JMY: variants seen among roughly 807,000 people sequenced by gnomAD.
JMY encodes junction mediating and regulatory protein, p53 cofactor, also known as junction-mediating and -regulatory protein.
JMY carries 46 observed loss-of-function variants against 103.3 expected under a neutral mutation model. The ratio of observed to expected loss-of-function variants is 0.45; its 90% CI spans 0.35 to 0.57. The LOEUF is 0.57. Among genes scored for constraint, JMY ranks in the 20% least tolerant of loss-of-function variants. The pLI, the probability that JMY is intolerant of heterozygous loss-of-function variation, is 0.00. For synonymous variants in JMY, 526 were observed against 489.3 expected (o/e 1.07, Z -0.99); for missense variants, 1,238 against 1,255.2 (o/e 0.99, Z 0.21).
intron 1 of JMY, among the ~76,000 whole-genome samples, chr5:79,272,028 C>A (rs1222806908): frequency 6.6e-6 from 1 of 151,528 alleles, no homozygotes; most frequent in African/African-American, 2.4e-5. Flanking sequence ...AGGAGAATTG[C>A]TTGAACCCGG....
At chr5:79,273,723 C>G (rs1173042087) in intron 1 of JMY, among the ~76,000 whole-genome samples, 2 of 152,206 alleles carry the variant, frequency 1.3e-5, no homozygotes, top group African/African-American at 4.8e-5. Context: ...TGCTTGAATC[C>G]AAGAGTTCGA....
intron 7 of JMY, 75 bp downstream of exon 7, chr5:79,306,536 A>C (rs1191973963): frequency 1.9e-6 from 2 of 1,028,278 alleles, no homozygotes; most frequent in Middle Eastern, 2.2e-4. Flanking sequence ...ATCTGTAGAG[A>C]ATGATAAAAA....
At chr5:79,302,013 G>A (rs1746748316) in intron 6 of JMY, among the ~76,000 whole-genome samples, 1 of 150,696 alleles carries the variant, frequency 6.6e-6, no homozygotes, top group South Asian at 2.1e-4. Flanking sequence ...AACCCAGAAG[G>A]TGGAGGTTGC....
intron 1 of JMY, among the ~76,000 whole-genome samples, chr5:79,268,549 G>A (rs1176931939): frequency 1.3e-5 from 2 of 151,988 alleles, no homozygotes; most frequent in Non-Finnish European, 1.5e-5. Context: ...GTGTGATGGC[G>A]TGATCTCGGC....
At position 79,322,717 on chromosome 5, in the gene JMY, G is replaced by A. The variant is rs1228715432; in HGVS notation, c.*1115G>A. The A allele has an allele frequency of 6.6e-6, 1 of 152,196 alleles. No homozygotes were observed. The highest frequency in any genetic ancestry group is 2.4e-5 in the African/African-American group (1 of 41,436). The allele number at this position is 152,196 out of a possible 1,614,324, so 9.4% of individuals were successfully genotyped here. On this transcript the variant is annotated 3_prime_UTR_variant, in exon 11 of 11. Coordinates refer to ENST00000396137, the MANE Select transcript of JMY (RefSeq NM_152405.5). ...CTGATTTTGGCTGTGATGGAGTCCTGAAGGACACATTTATATGTTCCAGAT... is the reference window on the plus strand; with the variant it reads ...CTGATTTTGGCTGTGATGGAGTCCTAAAGGACACATTTATATGTTCCAGAT...
intron 8 of JMY, 33 bp downstream of exon 8, chr5:79,312,531 C>CTTT (rs35852788): frequency 2.0e-5 from 17 of 857,106 alleles, no homozygotes; most frequent in Admixed American, 3.1e-5. Flanking sequence ...TATTGTTTTT[C>CTTT]TTTTTTTTTT....
At chr5:79,243,489 C>T (rs955907210) in intron 1 of JMY, among the ~76,000 whole-genome samples, 1 of 152,128 alleles carries the variant, frequency 6.6e-6, no homozygotes, top group East Asian at 1.9e-4. Flanking sequence ...CTCTGTCTGG[C>T]AGTTCTTGAC....
chr5:79,241,083 C>T (rs1045021670), intron 1 of JMY, among the ~76,000 whole-genome samples: 7 of 152,146 alleles, frequency 4.6e-5, no homozygotes, highest in African/African-American at 1.7e-4. Context: ...TTTTTTCCTA[C>T]AGTATTCCTT....
chr5:79,284,287 T>G lies in JMY; in HGVS notation c.1207-5834T>G, dbSNP rs769181334. 5 of 1,471,794 alleles carry G rather than the reference T, an allele frequency of 3.4e-6. No individual in the cohort carries two copies. The Admixed American group carries it at 5.0e-5, about 15-fold the overall frequency. The allele number at this position is 1,471,794 out of a possible 1,614,324, so 91.2% of individuals were successfully genotyped here. A position where few individuals can be genotyped will look rare whatever the true frequency, so the allele number is the denominator to read the frequency against. ...TTGGGCTTCTTCAGCATTTTTACTT[T>G]TCTAACGAAGACATCATGGAGAGGA... On this transcript the variant is annotated intron_variant, in intron 2 of 10. Transcript: ENST00000396137.
At chr5:79,258,251 A>T (rs1197597140) in intron 1 of JMY, among the ~76,000 whole-genome samples, 1 of 152,164 alleles carries the variant, frequency 6.6e-6, no homozygotes, top group Non-Finnish European at 1.5e-5. Context: ...AAAAAGAAAT[A>T]AAAATATCAG....
Position 79,262,315 on chromosome 5 carries a change from C to A in JMY, c.1033-15595C>A, listed in dbSNP as rs779402180. On this transcript the variant is annotated intron_variant, in intron 1 of 10. Coordinates refer to ENST00000396137, the MANE Select transcript of JMY (RefSeq NM_152405.5). ...GACTTTCTTTATAATTCCTTTTAGT[C>A]TTTTATATGCATTATTTATAGTACC... Among the ~76,000 whole-genome samples the A allele has an allele frequency of 6.6e-4, 101 of 152,224 alleles. 1 individual carries two copies. The Middle Eastern group carries it at 0.02, about 31-fold the overall frequency.
intron 1 of JMY, among the ~76,000 whole-genome samples, chr5:79,271,506 C>A (rs902604445): frequency 6.6e-6 from 1 of 152,030 alleles, no homozygotes; most frequent in African/African-American, 2.4e-5. Context: ...CCTATCTGGG[C>A]CTGATGCATT....
At position 79,302,246 on chromosome 5, in the gene JMY, C is replaced by G. The variant is rs1284861199; in HGVS notation, c.1881+1383C>G. Among the ~76,000 whole-genome samples the G allele has an allele frequency of 2.0e-5, 3 of 152,066 alleles. No individual in the cohort carries two copies. The East Asian group carries it at 5.8e-4, about 29-fold the overall frequency. On this transcript the variant is annotated intron_variant, in intron 6 of 10. Coordinates refer to ENST00000396137, the MANE Select transcript of JMY (RefSeq NM_152405.5). Reference sequence around the variant, plus strand: ...GGTGTATAGTGCAGTACTTTTGAGACTCGGAATTTGCAAACCTGCAAGTTT... The same window carrying G: ...GGTGTATAGTGCAGTACTTTTGAGAGTCGGAATTTGCAAACCTGCAAGTTT...
chr5:79,238,377 C>T (rs142289433), intron 1 of JMY, among the ~76,000 whole-genome samples: 1,627 of 151,766 alleles, frequency 0.011, 31 homozygotes, highest in African/African-American at 0.036. Flanking sequence ...GTACAAAAGC[C>T]TTTTCAAACT....
chr5:79,237,330 G>C lies in JMY; in HGVS notation c.680G>C (p.Cys227Ser). ...GAGCTGGAGTCTCCGGCCGAAGAGT[G>C]CAGCTGGGCCGGACTGTTTTCTTTC... ...ATELESPAEE[C>S]SWAGLFSFQD... is the part of the protein sequence containing the mutation. Residue 227 changes from cysteine (C) to serine (S), a missense_variant, in exon 1 of 11, where the codon TGC (cysteine) becomes TCC (serine). By Grantham distance (112) the Cys-to-Ser change is moderately radical. Transcript: ENST00000396137. 1 of 1,592,108 alleles carries C rather than the reference G, an allele frequency of 6.3e-7. No individual in the cohort carries two copies. The highest frequency in any genetic ancestry group is 8.5e-7 in the Non-Finnish European group (1 of 1,170,090).
rs1034759125 is a variant in JMY at position 79,325,096 on chromosome 5, A to G, written c.*3494A>G. ...CATTCTCTCTGTTTGGAATGGGATC[A>G]GTATACAATTAATACAATTTAATTT... is the stretch of plus-strand genomic sequence containing the variant. On this transcript the variant is annotated 3_prime_UTR_variant, in exon 11 of 11. Transcript: ENST00000396137. 6.6e-6 allele frequency: 1 copy of G among 152,646 alleles called. No individual in the cohort carries two copies. Among genetic ancestry groups the G allele is most frequent in the Non-Finnish European group, 1.5e-5 (1 of 68,036 alleles). 9.5% of individuals were successfully genotyped at this position (152,646 alleles called of 1,614,324 possible). A position where few individuals can be genotyped will look rare whatever the true frequency, so the allele number is the denominator to read the frequency against.
chr5:79,255,920 A>G (rs946061590), intron 1 of JMY, among the ~76,000 whole-genome samples: 21 of 152,228 alleles, frequency 1.4e-4, no homozygotes, highest in African/African-American at 4.8e-4. Context: ...AAGGCCTGCT[A>G]TAACCACTCC....
rs1057148519 is a variant in JMY, at chr5:79,324,178, T to G, written c.*2576T>G. On this transcript the variant is annotated 3_prime_UTR_variant, in exon 11 of 11. Coordinates refer to ENST00000396137, the MANE Select transcript of JMY (RefSeq NM_152405.5). The stretch of plus-strand genomic sequence containing the variant: ...TGGAACCCACCTGTTAATTTTAAAG[T>G]AGCTTCAGAACCCAACAAAAATTAT... The G allele has an allele frequency of 6.6e-6, 1 of 152,228 alleles. No individual in the cohort carries two copies. The highest frequency in any genetic ancestry group is 1.5e-5 in the Non-Finnish European group (1 of 68,032). The allele number at this position is 152,228 out of a possible 1,614,324, so 9.4% of individuals were successfully genotyped here. A position where few individuals can be genotyped will look rare whatever the true frequency, so the allele number is the denominator to read the frequency against.
chr5:79,244,243 C>T (rs1274443839), intron 1 of JMY, among the ~76,000 whole-genome samples: 5 of 152,156 alleles, frequency 3.3e-5, no homozygotes, highest in African/African-American at 9.7e-5. Flanking sequence ...TCAGGTGATC[C>T]ACCTGCTTCG....
Sources: gnomAD v4.1 joint callset for allele counts (sites outside exome capture counted in the v4.1 genomes callset) on GRCh38, gnomAD v4.1.1 for gene constraint, MANE v1.5 for transcripts, NCBI Gene and HGNC (gene_info 2026-07-23, HGNC 2026-07-21) for gene names.